SPIDR: variants seen among roughly 807,000 people sequenced by gnomAD.
SPIDR encodes scaffold protein involved in DNA repair, also known as DNA repair-scaffolding protein.
Under a neutral mutation model 104.6 loss-of-function variants are expected in SPIDR, and 93 were observed. That is an observed-to-expected ratio of 0.89 (90% confidence interval 0.75 to 1.06). The LOEUF is 1.06. Ranked by LOEUF, SPIDR falls within the 50% of genes least tolerant of loss-of-function variation. The pLI, the probability that SPIDR is intolerant of heterozygous loss-of-function variation, is 0.00. For missense variants in SPIDR, 1,154 were observed against 1,111.2 expected, an observed-to-expected ratio of 1.04 and a Z score of -0.55; for synonymous variants, 431 against 416.9, an observed-to-expected ratio of 1.03 and a Z score of -0.41.
At chr8:47,529,713 A>G (rs1167294428) in intron 8 of SPIDR, among the ~76,000 whole-genome samples, 1 of 152,202 alleles carries the variant, frequency 6.6e-6, no homozygotes, top group Non-Finnish European at 1.5e-5. Context: ...GATCTAACAC[A>G]TAAGTTTCTT....
chr8:47,637,717 A>C (rs896656471), intron 10 of SPIDR, among the ~76,000 whole-genome samples: 3 of 152,236 alleles, frequency 2.0e-5, no homozygotes, highest in Admixed American at 6.5e-5. Flanking sequence ...CACTCTGTCA[A>C]CATGAGTTCC....
intron 8 of SPIDR, among the ~76,000 whole-genome samples, chr8:47,580,633 A>G (rs2059615001): frequency 1.3e-5 from 2 of 150,404 alleles, no homozygotes; most frequent in South Asian, 4.2e-4. Context: ...GTGCTTGGTC[A>G]CATGCCACCC....
intron 5 of SPIDR, among the ~76,000 whole-genome samples, chr8:47,324,068 G>A (rs1488765843): frequency 6.6e-6 from 1 of 152,010 alleles, no homozygotes; most frequent in Non-Finnish European, 1.5e-5. Context: ...TGAAATACAT[G>A]TTCTTTTCTA....
intron 8 of SPIDR, chr8:47,546,931 C>G (rs1257060580): frequency 3.0e-5 from 14 of 463,918 alleles, no homozygotes; most frequent in Non-Finnish European, 5.8e-5. Context: ...GTTGGAAAGC[C>G]AGGTGGCAAA....
At chr8:47,403,435 G>T (rs55744734) in intron 6 of SPIDR, among the ~76,000 whole-genome samples, 1,815 of 152,208 alleles carry the variant, frequency 0.012, 42 homozygotes, top group African/African-American at 0.041. Flanking sequence ...GCAGATGACA[G>T]GATTGTACAT....
At chr8:47,358,949 G>A (rs1365186773) in intron 5 of SPIDR, among the ~76,000 whole-genome samples, 1 of 151,960 alleles carries the variant, frequency 6.6e-6, no homozygotes, top group Admixed American at 6.5e-5. Context: ...TAGTCTCTAG[G>A]TGGAGGCAAT....
At chr8:47,415,917 C>T (rs2064194263) in intron 7 of SPIDR, among the ~76,000 whole-genome samples, 2 of 152,220 alleles carry the variant, frequency 1.3e-5, no homozygotes, top group African/African-American at 4.8e-5. Flanking sequence ...TCCCACTCTC[C>T]TCCCTGATGC....
At chr8:47,480,634 G>A (rs2076800329) in intron 8 of SPIDR, among the ~76,000 whole-genome samples, 2 of 152,150 alleles carry the variant, frequency 1.3e-5, no homozygotes, top group Admixed American at 6.5e-5. Context: ...AAGTGTTCTC[G>A]CTGCTCTCAG....
At chr8:47,380,749 T>G (rs2059239513) in intron 5 of SPIDR, among the ~76,000 whole-genome samples, 1 of 152,156 alleles carries the variant, frequency 6.6e-6, no homozygotes, top group Admixed American at 6.5e-5. Context: ...GAGGTGTAAC[T>G]ATGGGTGTAG....
At chr8:47,482,064 T>TACAGC (rs1402268317) in intron 8 of SPIDR, among the ~76,000 whole-genome samples, 1 of 152,230 alleles carries the variant, frequency 6.6e-6, no homozygotes, top group Non-Finnish European at 1.5e-5. Context: ...ACAGGTTATA[T>TACAGC]ACAGCACATG....
At chr8:47,436,846 G>A (rs2068423735) in intron 7 of SPIDR, among the ~76,000 whole-genome samples, 1 of 152,164 alleles carries the variant, frequency 6.6e-6, no homozygotes, top group Non-Finnish European at 1.5e-5. Context: ...GGAAGGCCCT[G>A]GAGGATGTTT....
At chr8:47,321,730 C>G (rs1172912404) in intron 5 of SPIDR, among the ~76,000 whole-genome samples, 1 of 152,192 alleles carries the variant, frequency 6.6e-6, no homozygotes, top group Non-Finnish European at 1.5e-5. Context: ...CTGCATGGTA[C>G]TGGTACCGAA....
intron 8 of SPIDR, among the ~76,000 whole-genome samples, chr8:47,517,706 C>G (rs2083376788): frequency 6.6e-6 from 1 of 152,158 alleles, no homozygotes; most frequent in Non-Finnish European, 1.5e-5. Flanking sequence ...TGAAATTATT[C>G]ACAGTGAGAA....
chr8:47,416,548 G>A (rs542459340), intron 7 of SPIDR, among the ~76,000 whole-genome samples: 14 of 152,070 alleles, frequency 9.2e-5, no homozygotes, highest in Non-Finnish European at 1.9e-4. Context: ...GATCAAGATT[G>A]CGATTGTCAG....
chr8:47,727,114 C>T (rs1268121406), intron 16 of SPIDR, 86 bp from the exon 17 acceptor site: 1 of 1,129,452 alleles, frequency 8.9e-7, no homozygotes, highest in Non-Finnish European at 1.3e-6. Context: ...CGAGGCCCCT[C>T]ATGTTGTCCT....
At chr8:47,331,989 C>CTTTTTTTTTTTTTTTTTTTT (rs1289524835) in intron 5 of SPIDR, among the ~76,000 whole-genome samples, 1 of 36,318 alleles carries the variant, frequency 2.8e-5, no homozygotes, top group African/African-American at 8.9e-5. Context: ...TTTTTTTTCT[C>CTTTTTTTTTTTTTTTTTTTT]TTTTTTTTTT....
intron 5 of SPIDR, among the ~76,000 whole-genome samples, chr8:47,298,569 G>C (rs2041369464): frequency 6.6e-6 from 1 of 152,146 alleles, no homozygotes; most frequent in African/African-American, 2.4e-5. Flanking sequence ...TTTTCTTCTA[G>C]GGTTTTTATG....
chr8:47,517,317 T>G (rs1188374408), intron 8 of SPIDR, among the ~76,000 whole-genome samples: 2 of 152,084 alleles, frequency 1.3e-5, no homozygotes, highest in African/African-American at 4.8e-5. Flanking sequence ...ATACCCCCAC[T>G]TAAAAAAATA....
At chr8:47,571,414 C>T (rs536726113) in intron 8 of SPIDR, among the ~76,000 whole-genome samples, 3 of 151,726 alleles carry the variant, frequency 2.0e-5, no homozygotes, top group African/African-American at 7.3e-5. Flanking sequence ...TTTTTATTTG[C>T]CAATTTTATT....
Sources: allele counts gnomAD v4.1 joint callset (sites outside exome capture counted in the v4.1 genomes callset), GRCh38; gene constraint gnomAD v4.1.1; transcripts MANE v1.5; gene names NCBI Gene and HGNC (gene_info 2026-07-23, HGNC 2026-07-21).